Variants in SORCS3 observed in about 807,000 individuals in gnomAD.
The protein encoded by SORCS3 is sortilin related VPS10 domain containing receptor 3.
Under a neutral mutation model 146.3 loss-of-function variants are expected in SORCS3, and 57 were observed. The observed-to-expected ratio is 0.39, with a 90% CI of 0.31 to 0.49. The LOEUF (loss-of-function observed/expected upper bound fraction) is 0.49. SORCS3 is among the 20% of genes least tolerant of loss of function. The pLI is 0.92. For missense variants in SORCS3, 1,341 were observed against 1,575.5 expected (o/e 0.85, Z 2.52); for synonymous variants, 653 against 618.5 (o/e 1.06, Z -0.83).
At chr10:104,677,932 T>A (rs1156663912) in intron 1 of SORCS3, among the ~76,000 whole-genome samples, 1 of 152,182 alleles carries the variant, frequency 6.6e-6, no homozygotes, top group African/African-American at 2.4e-5. Context: ...AAAATATTTG[T>A]TTCCTCCCTT....
At chr10:104,928,114 GGA>G (rs2133608644) in intron 3 of SORCS3, among the ~76,000 whole-genome samples, 1 of 152,244 alleles carries the variant, frequency 6.6e-6, no homozygotes, top group South Asian at 2.1e-4. Flanking sequence ...TTTCAAGTTG[GGA>G]GAGAGAATAG....
intron 1 of SORCS3, 136 bp from the exon 2 acceptor site, chr10:104,842,656 C>A (rs1306876056): frequency 1.6e-6 from 1 of 626,422 alleles, no homozygotes; most frequent in Non-Finnish European, 2.8e-6. Flanking sequence ...TAATACCCCG[C>A]AACTCAATGG....
chr10:104,995,727 C>T lies in SORCS3; in HGVS notation c.954+18234C>T, dbSNP rs563483755. 3.0e-4 allele frequency among the ~76,000 whole-genome samples: 46 copies of T among 152,162 alleles called. 1 individual carries two copies. In the South Asian group the frequency reaches 5.0e-3, roughly 16 times the overall value. ...ATAGCTTATCTTTTAATTCTCTTGA[C>T]GGTGTCTCTCAATGAAGAGAAGTTC... is the stretch of plus-strand genomic sequence containing the variant. On this transcript the variant is annotated intron_variant, in intron 4 of 26. Transcript: ENST00000369701.
At chr10:104,655,766 G>A (rs987287512) in intron 1 of SORCS3, among the ~76,000 whole-genome samples, 11 of 152,058 alleles carry the variant, frequency 7.2e-5, no homozygotes, top group Non-Finnish European at 1.2e-4. Context: ...AGTGTGCAGT[G>A]CCTCCTGCCC....
At chr10:105,118,138 A>G (rs1178686390) in intron 7 of SORCS3, among the ~76,000 whole-genome samples, 1 of 152,088 alleles carries the variant, frequency 6.6e-6, no homozygotes, top group African/African-American at 2.4e-5. Context: ...CATAATCCCC[A>G]GTGTGTCGTG....
chr10:105,218,603 G>A (rs143285492), intron 19 of SORCS3, among the ~76,000 whole-genome samples: 4 of 152,286 alleles, frequency 2.6e-5, no homozygotes, highest in Non-Finnish European at 4.4e-5. Flanking sequence ...TGATGTGCAC[G>A]GTGTTCATGA....
chr10:104,861,461 T>C (rs906490068), intron 2 of SORCS3, among the ~76,000 whole-genome samples: 2 of 152,186 alleles, frequency 1.3e-5, no homozygotes, highest in Admixed American at 6.5e-5. Context: ...TAAGCACATG[T>C]TCTGCCTATG....
At chr10:105,096,772 G>A (rs555012403) in intron 6 of SORCS3, among the ~76,000 whole-genome samples, 3 of 152,178 alleles carry the variant, frequency 2.0e-5, no homozygotes, top group African/African-American at 7.2e-5. Flanking sequence ...AGTCACAGTG[G>A]TTATTGAGTC....
intron 1 of SORCS3, among the ~76,000 whole-genome samples, chr10:104,717,470 G>C (rs969860759): frequency 6.6e-6 from 1 of 152,106 alleles, no homozygotes; most frequent in African/African-American, 2.4e-5. Flanking sequence ...TCACCCACAA[G>C]GCGCCCAGCA....
intron 7 of SORCS3, among the ~76,000 whole-genome samples, chr10:105,129,323 T>A (rs2055999016): frequency 8.1e-6 from 1 of 122,714 alleles, no homozygotes; most frequent in Non-Finnish European, 1.7e-5. Flanking sequence ...TTTTCTTTCT[T>A]TCTTTCTCTT....
intron 4 of SORCS3, among the ~76,000 whole-genome samples, chr10:104,993,724 A>G (rs947867017): frequency 6.6e-6 from 1 of 152,192 alleles, no homozygotes; most frequent in African/African-American, 2.4e-5. Flanking sequence ...TACTCTTGAT[A>G]TAATCTGCCT....
At chr10:105,075,998 G>A (rs1369525071) in intron 5 of SORCS3, among the ~76,000 whole-genome samples, 1 of 152,210 alleles carries the variant, frequency 6.6e-6, no homozygotes, top group Non-Finnish European at 1.5e-5. Flanking sequence ...TAATCAGGAA[G>A]TGTGGAAATG....
intron 3 of SORCS3, among the ~76,000 whole-genome samples, chr10:104,931,232 G>C (rs1173914957): frequency 1.3e-5 from 2 of 152,206 alleles, no homozygotes; most frequent in Non-Finnish European, 2.9e-5. Flanking sequence ...TGATTTTGGA[G>C]ATCAGGTGTC....
chr10:104,995,087 G>T (rs2055016309), intron 4 of SORCS3, among the ~76,000 whole-genome samples: 1 of 151,156 alleles, frequency 6.6e-6, no homozygotes, highest in Admixed American at 6.6e-5. Flanking sequence ...TATATTCTTA[G>T]TAACACTTGG....
intron 1 of SORCS3, among the ~76,000 whole-genome samples, chr10:104,656,053 G>C (rs111833906): frequency 2.6e-4 from 40 of 152,290 alleles, no homozygotes; most frequent in African/African-American, 8.7e-4. Context: ...TGGATTCTGA[G>C]TCTGTAATAG....
At chr10:104,883,103 C>T (rs1752471754) in intron 2 of SORCS3, among the ~76,000 whole-genome samples, 1 of 152,134 alleles carries the variant, frequency 6.6e-6, no homozygotes, top group Non-Finnish European at 1.5e-5. Context: ...CAGTGGATGT[C>T]GGGAAGATTC....
At chr10:104,799,463 A>G (rs768924697) in intron 1 of SORCS3, among the ~76,000 whole-genome samples, 3 of 151,896 alleles carry the variant, frequency 2.0e-5, no homozygotes, top group Non-Finnish European at 4.4e-5. Context: ...CAAACACCAC[A>G]TGTTCTCAAT....
intron 4 of SORCS3, among the ~76,000 whole-genome samples, chr10:105,013,730 A>G (rs1313652338): frequency 2.0e-5 from 3 of 152,144 alleles, no homozygotes; most frequent in African/African-American, 7.2e-5. Context: ...GGAATCCTCA[A>G]TAGCATGAAA....
chr10:104,838,264 C>T (rs776714006), intron 1 of SORCS3, among the ~76,000 whole-genome samples: 34 of 152,056 alleles, frequency 2.2e-4, no homozygotes, highest in Non-Finnish European at 3.1e-4. Flanking sequence ...ACTGGGTTTC[C>T]GGAGCCACAC....
Sources: allele counts gnomAD v4.1 joint callset (sites outside exome capture counted in the v4.1 genomes callset), GRCh38; gene constraint gnomAD v4.1.1; transcripts MANE v1.5; gene names NCBI Gene and HGNC (gene_info 2026-07-23, HGNC 2026-07-21).